The following CASK variants were observed in gnomAD, a reference collection of about 807,000 sequenced individuals.
CASK encodes the protein calcium/calmodulin dependent serine protein kinase, also known as peripheral plasma membrane protein CASK.
In CASK, 4 loss-of-function variants were observed where a neutral mutation model predicts 82.9. The ratio of observed to expected loss-of-function variants is 0.05; its 90% confidence interval spans 0.02 to 0.11. The LOEUF (loss-of-function observed/expected upper bound fraction) is 0.11. Ranked by LOEUF, CASK falls within the 10% of genes least tolerant of loss-of-function variation. The pLI, the probability that CASK is intolerant of heterozygous loss-of-function variation, is 1.00. For synonymous variants in CASK, 259 were observed against 253.5 expected (o/e 1.02, Z -0.20); for missense variants, 358 against 720.9 (o/e 0.50, Z 5.76).
rs138946414 is a variant in CASK at position 41,885,392 on chromosome X, T to C, written c.60-32165A>G. Among the ~76,000 whole-genome samples, 410 of 112,185 alleles carry C rather than the reference T, an allele frequency of 3.7e-3. 3 individuals are homozygous for C. The highest frequency in any genetic ancestry group is 0.019 in the South Asian group (52 of 2,715). On this transcript the variant is annotated intron_variant, in intron 1 of 26. Transcript: ENST00000378163. Reference sequence around the variant, plus strand: ...TTTGTCAAGTAAAGATTTCTACACATATTAAGTAACTCAGATCTGTTTATA... The same window carrying C: ...TTTGTCAAGTAAAGATTTCTACACACATTAAGTAACTCAGATCTGTTTATA...
chrX:41,664,629 G>A (rs1034430015), intron 7 of CASK, among the ~76,000 whole-genome samples: 1 of 112,105 alleles, frequency 8.9e-6, no homozygotes, highest in African/African-American at 3.2e-5. Context: ...CTGGGGTAGT[G>A]AAATCAACTT....
intron 2 of CASK, among the ~76,000 whole-genome samples, chrX:41,845,007 AT>A (rs1211981929): frequency 9.0e-6 from 1 of 111,685 alleles, no homozygotes; most frequent in Non-Finnish European, 1.9e-5. Flanking sequence ...TCCGTTATTG[AT>A]TTCTGATTCC....
At chrX:41,736,449 G>C (rs1409499983) in intron 5 of CASK, among the ~76,000 whole-genome samples, 1 of 111,963 alleles carries the variant, frequency 8.9e-6, no homozygotes. Context: ...GCAGTGAGCC[G>C]AGATTGCGCC....
At chrX:41,672,243 T>C (rs1602441041) in intron 5 of CASK, among the ~76,000 whole-genome samples, 1 of 110,974 alleles carries the variant, frequency 9.0e-6, no homozygotes, top group African/African-American at 3.3e-5. Context: ...CCCCAAGGGG[T>C]ATCCTGCTTG....
At chrX:41,718,884 TA>T (rs997722833) in intron 5 of CASK, among the ~76,000 whole-genome samples, 7 of 111,779 alleles carry the variant, frequency 6.3e-5, no homozygotes, top group Admixed American at 5.7e-4. Flanking sequence ...CAGGAACTGG[TA>T]ACAGGGGAAG....
chrX:41,523,038 A>G (rs2064660447), intron 26 of CASK: 1 of 112,524 alleles, frequency 8.9e-6, no homozygotes, highest in Non-Finnish European at 1.9e-5. Flanking sequence ...ATGGAAAATT[A>G]GTAAAAGGGC....
At chrX:41,860,022 T>C (rs1481530761) in intron 1 of CASK, among the ~76,000 whole-genome samples, 2 of 111,299 alleles carry the variant, frequency 1.8e-5, no homozygotes, top group Non-Finnish European at 3.8e-5. Flanking sequence ...TATATACTTA[T>C]AATATGTAAT....
At chrX:41,896,540 G>A (rs112179372) in intron 1 of CASK, among the ~76,000 whole-genome samples, 442 of 112,093 alleles carry the variant, frequency 3.9e-3, no homozygotes, top group African/African-American at 0.013. Context: ...TACAAGAAGA[G>A]AGAACAAAAA....
At chrX:41,884,216 C>T (rs1256195780) in intron 1 of CASK, among the ~76,000 whole-genome samples, 1 of 111,949 alleles carries the variant, frequency 8.9e-6, no homozygotes, top group African/African-American at 3.2e-5. Context: ...TTAAATGCTA[C>T]GTTTCCTACT....
intron 5 of CASK, among the ~76,000 whole-genome samples, chrX:41,700,931 CAAAA>C (rs1215266415): frequency 2.7e-5 from 1 of 37,129 alleles, no homozygotes; most frequent in East Asian, 1.0e-3. Flanking sequence ...GACTCCGTCT[CAAAA>C]AAAAAAAAAA....
At chrX:41,611,195 T>C (rs899502384) in intron 11 of CASK, among the ~76,000 whole-genome samples, 3 of 111,675 alleles carry the variant, frequency 2.7e-5, no homozygotes, top group African/African-American at 9.8e-5. Flanking sequence ...AGTGCTGTGG[T>C]TGAGAAATTA....
chrX:41,661,675 A>AT (rs1448863392), intron 7 of CASK, among the ~76,000 whole-genome samples: 1 of 109,526 alleles, frequency 9.1e-6, no homozygotes, highest in Non-Finnish European at 1.9e-5. Flanking sequence ...AGTGTGCTTC[A>AT]TTTTTCCCCC....
At chrX:41,802,018 G>A (rs1308261782) in intron 2 of CASK, among the ~76,000 whole-genome samples, 1 of 110,747 alleles carries the variant, frequency 9.0e-6, no homozygotes, top group African/African-American at 3.3e-5. Context: ...TACAGATAAC[G>A]GATATCCATA....
At chrX:41,843,692 C>T (rs993788115) in intron 2 of CASK, among the ~76,000 whole-genome samples, 3 of 111,353 alleles carry the variant, frequency 2.7e-5, no homozygotes, top group African/African-American at 9.8e-5. Flanking sequence ...CACTCCCCAT[C>T]TCATCTTTCT....
At chrX:41,754,267 T>A (rs901680426) in intron 3 of CASK, among the ~76,000 whole-genome samples, 2 of 109,931 alleles carry the variant, frequency 1.8e-5, no homozygotes, top group Non-Finnish European at 1.9e-5. Context: ...TAGCTGGGCA[T>A]GGAGGGGCCT....
At chrX:41,597,405 G>T (rs2065836515) in intron 12 of CASK, among the ~76,000 whole-genome samples, 1 of 112,501 alleles carries the variant, frequency 8.9e-6, no homozygotes, top group Non-Finnish European at 1.9e-5. Flanking sequence ...TGCTGGAAAA[G>T]AATGAAAGTT....
At chrX:41,520,660 G>C (rs1264402184) in intron 26 of CASK, 64 bp from the exon 27 acceptor site, 23 of 934,121 alleles carry the variant, frequency 2.5e-5, no homozygotes, top group Non-Finnish European at 3.4e-5. Flanking sequence ...ACAGAAGAGA[G>C]AAATCAGTTG....
At chrX:41,882,298 A>G (rs1343059950) in intron 1 of CASK, among the ~76,000 whole-genome samples, 2 of 111,836 alleles carry the variant, frequency 1.8e-5, no homozygotes, top group African/African-American at 6.5e-5. Flanking sequence ...TTAAAAACAA[A>G]AGAAATACCT....
chrX:41,808,276 T>C (rs1157955045), intron 2 of CASK, among the ~76,000 whole-genome samples: 1 of 111,947 alleles, frequency 8.9e-6, no homozygotes, highest in Non-Finnish European at 1.9e-5. Flanking sequence ...CCTTGGCAGT[T>C]TGACAAGATT....
Sources: allele counts gnomAD v4.1 joint callset (sites outside exome capture counted in the v4.1 genomes callset), GRCh38; gene constraint gnomAD v4.1.1; transcripts MANE v1.5; gene names NCBI Gene and HGNC (gene_info 2026-07-23, HGNC 2026-07-21).